The following TRPS1 variants were observed in gnomAD, a reference collection of about 807,000 sequenced individuals.
TRPS1 encodes the protein transcriptional repressor GATA binding 1.
In TRPS1, 6 loss-of-function variants were observed where a neutral mutation model predicts 101.2. The observed-to-expected ratio is 0.06, with a 90% CI of 0.03 to 0.12. TRPS1 has a LOEUF of 0.12. TRPS1 is among the 10% of genes least tolerant of loss of function. TRPS1 has a pLI of 1.00. For missense variants in TRPS1, 1,363 were observed against 1,567.0 expected (o/e 0.87, Z 2.20); for synonymous variants, 578 against 589.8 (o/e 0.98, Z 0.29).
intron 1 of TRPS1, among the ~76,000 whole-genome samples, chr8:115,634,406 T>C (rs983937520): frequency 1.3e-5 from 2 of 152,208 alleles, no homozygotes; most frequent in African/African-American, 4.8e-5. Flanking sequence ...AAGAAAAGGA[T>C]GTTTGTTAAA....
intron 1 of TRPS1, among the ~76,000 whole-genome samples, chr8:115,632,151 T>C (rs1003798561): frequency 6.6e-6 from 1 of 152,116 alleles, no homozygotes; most frequent in Non-Finnish European, 1.5e-5. Flanking sequence ...TTTGTATATT[T>C]GGATGATTAT....
chr8:115,576,286 T>TATATAGATATAG (rs1238041454), intron 5 of TRPS1, among the ~76,000 whole-genome samples: 1 of 130,612 alleles, frequency 7.7e-6, no homozygotes, highest in Non-Finnish European at 1.7e-5. Flanking sequence ...TTCATATATA[T>TATATAGATATAG]ATATAGATAT....
rs139869951 is a variant in TRPS1, at chr8:115,456,738, C to G, written c.2701-38286G>C. Reference sequence around the variant, plus strand: ...TATGGCTTTTCTATTTTACTCCCCCCCAAAAACATAAAGGAACATGTATAG... The same window carrying G: ...TATGGCTTTTCTATTTTACTCCCCCGCAAAAACATAAAGGAACATGTATAG... On this transcript the variant is annotated intron_variant, in intron 5 of 6. Coordinates refer to ENST00000395715, the MANE Select transcript of TRPS1 (RefSeq NM_014112.5). 9.2e-5 allele frequency among the ~76,000 whole-genome samples: 14 copies of G among 152,028 alleles called. No homozygotes were observed. In the South Asian group the frequency reaches 1.5e-3, roughly 16 times the overall value.
At chr8:115,453,558 A>G (rs116214902) in intron 5 of TRPS1, among the ~76,000 whole-genome samples, 1 of 152,308 alleles carries the variant, frequency 6.6e-6, no homozygotes, top group African/African-American at 2.4e-5. Context: ...AGTTCATCAC[A>G]TGTCTCAGAT....
At chr8:115,578,617 C>T (rs1203583263) in intron 5 of TRPS1, among the ~76,000 whole-genome samples, 1 of 151,746 alleles carries the variant, frequency 6.6e-6, no homozygotes, top group Non-Finnish European at 1.5e-5. Flanking sequence ...GTCCACAATA[C>T]ACTGAAAAAT....
intron 1 of TRPS1, among the ~76,000 whole-genome samples, chr8:115,627,087 G>GTA (rs1264165096): frequency 1.7e-4 from 26 of 151,602 alleles, no homozygotes; most frequent in African/African-American, 5.8e-4. Flanking sequence ...TAGGACACAT[G>GTA]TATATATATA....
chr8:115,453,699 A>G (rs957743113), intron 5 of TRPS1, among the ~76,000 whole-genome samples: 1 of 152,224 alleles, frequency 6.6e-6, no homozygotes, highest in Non-Finnish European at 1.5e-5. Context: ...ACACCTTCAA[A>G]GAGTCATGCA....
chr8:115,630,086 A>T (rs1472748299), intron 1 of TRPS1, among the ~76,000 whole-genome samples: 1 of 151,996 alleles, frequency 6.6e-6, no homozygotes. Context: ...AGTAAAACTG[A>T]AACAGGTAAT....
intron 3 of TRPS1, among the ~76,000 whole-genome samples, chr8:115,605,655 C>T (rs1416280977): frequency 6.6e-6 from 1 of 151,898 alleles, no homozygotes; most frequent in Non-Finnish European, 1.5e-5. Context: ...TGAATGTTTC[C>T]CCATCTAGAA....
Position 115,414,544 on chromosome 8 carries a change from C to T in TRPS1, c.3364G>A (p.Asp1122Asn), listed in dbSNP as rs1310282526. The T allele has an allele frequency of 1.7e-5, 28 of 1,613,946 alleles. No individual in the cohort carries two copies. The highest frequency in any genetic ancestry group is 2.2e-5 in the Non-Finnish European group (26 of 1,179,952). The part of the protein sequence containing the change: ...FVHNDFQSEA[D>N]WLRFWSKYKL... ...TATTTACTCCAGAACCGCAGCCAAT[C>T]AGCTTCACTCTGGAAGTCATTATGT... The change falls in exon 7 of 7, where the codon GAT (aspartate) becomes AAT (asparagine). Residue 1122 changes from aspartate (D) to asparagine (N), a missense_variant. Around this residue, in one of 5 missense-constraint regions of TRPS1, gnomAD observed 307 missense variants for 392.4 expected, o/e 0.78. Transcript: ENST00000395715. The surrounding 1 kb of genome is among the most constrained non-coding windows in gnomAD (Gnocchi z 4.8).
At chr8:115,440,831 C>T (rs886171924) in intron 5 of TRPS1, among the ~76,000 whole-genome samples, 3 of 152,114 alleles carry the variant, frequency 2.0e-5, no homozygotes, top group Admixed American at 6.6e-5. Flanking sequence ...CATTTTGTTG[C>T]GTTTTTCTTT....
Position 115,618,610 on chromosome 8 carries a change from C to A in TRPS1, c.966+522G>T, listed in dbSNP as rs139427417. Among the ~76,000 whole-genome samples, 1,435 of 152,218 alleles carry A rather than the reference C, an allele frequency of 9.4e-3. 11 individuals are homozygous for A. The highest frequency in any genetic ancestry group is 0.01 in the African/African-American group (421 of 41,554). On this transcript the variant is annotated intron_variant, in intron 3 of 6. Coordinates refer to ENST00000395715, the MANE Select transcript of TRPS1 (RefSeq NM_014112.5). ...TTCTAATCAACATAAAATGTTATAT[C>A]CCAGTTTTCATTTGCAATTATTTTG...
chr8:115,601,228 C>T (rs1239454727), intron 4 of TRPS1, among the ~76,000 whole-genome samples: 1 of 152,136 alleles, frequency 6.6e-6, no homozygotes, highest in Non-Finnish European at 1.5e-5. Context: ...AGAAATAACA[C>T]AGAATTATGG....
intron 5 of TRPS1, among the ~76,000 whole-genome samples, chr8:115,541,346 C>T (rs1162527517): frequency 1.3e-5 from 2 of 152,138 alleles, no homozygotes; most frequent in Non-Finnish European, 2.9e-5. Context: ...ACTCTACCCT[C>T]CACTCAATAC....
At chr8:115,547,482 T>C (rs1480495889) in intron 5 of TRPS1, among the ~76,000 whole-genome samples, 1 of 152,206 alleles carries the variant, frequency 6.6e-6, no homozygotes, top group Non-Finnish European at 1.5e-5. Flanking sequence ...TACCTGCCCC[T>C]AGAGCTAGGA....
chr8:115,498,791 T>C (rs754309032), intron 5 of TRPS1, among the ~76,000 whole-genome samples: 18 of 152,050 alleles, frequency 1.2e-4, no homozygotes, highest in Non-Finnish European at 2.1e-4. Flanking sequence ...TAAATACACT[T>C]TTGTCATTAA....
At chr8:115,633,702 C>A (rs975914005) in intron 1 of TRPS1, among the ~76,000 whole-genome samples, 3 of 152,028 alleles carry the variant, frequency 2.0e-5, no homozygotes, top group African/African-American at 4.8e-5. Context: ...GTGGTTTTTT[C>A]AGAGGATTCA....
Position 115,644,460 on chromosome 8 carries a change from C to T in TRPS1, c.-121-20702G>A, listed in dbSNP as rs181525985. On this transcript the variant is annotated intron_variant, in intron 1 of 6. Transcript: ENST00000395715. ...TCTTTATCTCTCTCTCAGCTTTCAC[C>T]GAATCAAACAGAGGGCCTTGCTCTG... Among the ~76,000 whole-genome samples the T allele has an allele frequency of 2.6e-5, 4 of 152,240 alleles. No individual in the cohort carries two copies. The East Asian group carries it at 5.8e-4, about 22-fold the overall frequency.
intron 5 of TRPS1, among the ~76,000 whole-genome samples, chr8:115,465,395 A>G (rs1241895588): frequency 6.6e-6 from 1 of 152,084 alleles, no homozygotes; most frequent in East Asian, 1.9e-4. Context: ...TGCCTTGGCC[A>G]ACAGGAAACA....
Sources: gnomAD v4.1 joint callset for allele counts (sites outside exome capture counted in the v4.1 genomes callset) on GRCh38, gnomAD v4.1.1 for gene constraint, gnomAD v4.1.1 regional missense constraint, Gnocchi (gnomAD v3.1) non-coding constraint, MANE v1.5 for transcripts, NCBI Gene and HGNC (gene_info 2026-07-23, HGNC 2026-07-21) for gene names.